The following SH2D1A variants were observed in gnomAD, a reference collection of about 807,000 sequenced individuals.
SH2D1A encodes the protein SH2 domain-containing protein 1A.
In SH2D1A, 6 loss-of-function variants were observed where a neutral mutation model predicts 10.1. The ratio of observed to expected loss-of-function variants is 0.60; its 90% CI spans 0.33 to 1.18. The LOEUF is 1.18. Among genes scored for constraint, SH2D1A ranks in the 50% most tolerant of loss-of-function variants. SH2D1A has a pLI of 0.04. For synonymous variants in SH2D1A, 42 were observed against 36.9 expected (o/e 1.14, Z -0.51); for missense variants, 51 against 97.6 (o/e 0.52, Z 2.01).
intron 1 of SH2D1A, among the ~76,000 whole-genome samples, chrX:124,349,902 A>G (rs1259251419): frequency 9.3e-6 from 1 of 107,481 alleles, no homozygotes; most frequent in Non-Finnish European, 1.9e-5. Flanking sequence ...ATAGTTCCTT[A>G]TACCTATTCA....
chrX:124,347,977 T>C (rs768906216), intron 1 of SH2D1A, among the ~76,000 whole-genome samples: 1 of 111,392 alleles, frequency 9.0e-6, no homozygotes, highest in African/African-American at 3.3e-5. Flanking sequence ...GTTCAGCATC[T>C]GATAATACCC....
chrX:124,369,977 C>T (rs1444053780), intron 2 of SH2D1A, among the ~76,000 whole-genome samples, 199 bp from the exon 3 acceptor site: 1 of 111,379 alleles, frequency 9.0e-6, no homozygotes, highest in East Asian at 2.8e-4. Context: ...AATGACAGCT[C>T]ATTAGCTCCT....
Position 124,371,376 on chromosome X carries a change from C to A in SH2D1A, c.372C>A (p.Cys124Ter). 8.6e-7 allele frequency: 1 copy of A among 1,165,276 alleles called. No individual in the cohort carries two copies. Among genetic ancestry groups the A allele is most frequent in the Non-Finnish European group, 1.2e-6 (1 of 856,724 alleles). ...TTGIREDPDV[C>*]LKAP ...GGATAAGAGAAGATCCTGATGTCTG[C>A]CTGAAAGCCCCATGAAGAAAAATAA... The change falls in exon 4 of 4, where the codon TGC becomes TGA. Residue 124 changes from cysteine to a stop codon, truncating the protein, a stop_gained. Coordinates refer to ENST00000371139, the MANE Select transcript of SH2D1A (RefSeq NM_002351.5). LOFTEE classifies it high-confidence loss of function.
At chrX:124,349,627 A>G (rs1360537139) in intron 1 of SH2D1A, among the ~76,000 whole-genome samples, 2 of 111,334 alleles carry the variant, frequency 1.8e-5, no homozygotes, top group Non-Finnish European at 3.8e-5. Context: ...TAGAGATAAT[A>G]CATTTCATAT....
chrX:124,350,207 A>T (rs35826306), intron 1 of SH2D1A, among the ~76,000 whole-genome samples: 837 of 58,118 alleles, frequency 0.014, 9 homozygotes, highest in Non-Finnish European at 0.021. Context: ...ATATAATATA[A>T]AATATATAAT....
chrX:124,347,372 A>AG (rs1235305068), intron 1 of SH2D1A, among the ~76,000 whole-genome samples: 1 of 110,470 alleles, frequency 9.1e-6, no homozygotes, highest in East Asian at 2.9e-4. Context: ...GGGGAGGGGC[A>AG]GGGGATTTCA....
intron 1 of SH2D1A, among the ~76,000 whole-genome samples, chrX:124,363,401 C>T (rs1402828354): frequency 9.0e-6 from 1 of 111,225 alleles, no homozygotes; most frequent in Non-Finnish European, 1.9e-5. Context: ...TATAGTAATA[C>T]AGTCATGTGC....
chrX:124,352,735 G>A (rs748782025), intron 1 of SH2D1A, among the ~76,000 whole-genome samples: 16 of 111,615 alleles, frequency 1.4e-4, no homozygotes, highest in East Asian at 5.6e-4. Context: ...ATGTATGGGC[G>A]CAAGTATCCC....
intron 2 of SH2D1A, among the ~76,000 whole-genome samples, chrX:124,369,457 T>C (rs1487482911): frequency 1.8e-5 from 2 of 111,625 alleles, no homozygotes; most frequent in Non-Finnish European, 3.8e-5. Context: ...AACACACAAA[T>C]AAATAAATAA....
At chrX:124,362,774 T>C (rs1457235044) in intron 1 of SH2D1A, among the ~76,000 whole-genome samples, 1 of 111,168 alleles carries the variant, frequency 9.0e-6, no homozygotes, top group African/African-American at 3.3e-5. Flanking sequence ...CCCCATAATA[T>C]GTTTAAGCTC....
chrX:124,361,099 C>G (rs951322959), intron 1 of SH2D1A, among the ~76,000 whole-genome samples: 1 of 111,781 alleles, frequency 8.9e-6, no homozygotes, highest in South Asian at 3.7e-4. Flanking sequence ...TAAATTCACA[C>G]GTTTAAACCC....
At chrX:124,351,032 A>G (rs1388281932) in intron 1 of SH2D1A, among the ~76,000 whole-genome samples, 5 of 89,342 alleles carry the variant, frequency 5.6e-5, no homozygotes, top group African/African-American at 2.1e-4. Context: ...TATTATAAAT[A>G]TATATATTTT....
chrX:124,362,514 A>G (rs1412524652), intron 1 of SH2D1A, among the ~76,000 whole-genome samples: 1 of 112,071 alleles, frequency 8.9e-6, no homozygotes, highest in Non-Finnish European at 1.9e-5. Flanking sequence ...CTGTAGCACC[A>G]TTATATTTTG....
intron 1 of SH2D1A, among the ~76,000 whole-genome samples, chrX:124,351,095 TTA>T (rs1328222466): frequency 7.4e-5 from 7 of 94,167 alleles, no homozygotes; most frequent in East Asian, 3.1e-4. Flanking sequence ...AAATATATAT[TTA>T]TATATATTTA....
At chrX:124,350,673 G>A (rs1236403714) in intron 1 of SH2D1A, among the ~76,000 whole-genome samples, 1 of 29,599 alleles carries the variant, frequency 3.4e-5, no homozygotes, top group Non-Finnish European at 4.7e-5. Context: ...TTGTATATAA[G>A]ATATAATATA....
At chrX:124,365,969 C>T in intron 2 of SH2D1A, 145 bp downstream of exon 2, 2 of 459,090 alleles carry the variant, frequency 4.4e-6, no homozygotes, top group Non-Finnish European at 7.7e-6. Context: ...GTTCATGGAT[C>T]ATTAAGAAAG....
chrX:124,357,675 C>G (rs1272595917), intron 1 of SH2D1A, among the ~76,000 whole-genome samples: 1 of 111,926 alleles, frequency 8.9e-6, no homozygotes, highest in African/African-American at 3.3e-5. Flanking sequence ...AATAACCATC[C>G]TAACAGGTGT....
intron 1 of SH2D1A, among the ~76,000 whole-genome samples, chrX:124,365,275 GTAT>G (rs1399145237): frequency 1.8e-5 from 2 of 109,733 alleles, no homozygotes; most frequent in African/African-American, 3.3e-5. Context: ...TCAATTTATA[GTAT>G]TATATCCTTA....
intron 1 of SH2D1A, 106 bp from the exon 2 acceptor site, chrX:124,365,655 C>T (rs935548740): frequency 3.0e-5 from 17 of 573,609 alleles, no homozygotes; most frequent in Admixed American, 1.6e-4. Context: ...ACACCATATA[C>T]GTGTGTCCTA....
Sources: gnomAD v4.1 joint callset for allele counts (sites outside exome capture counted in the v4.1 genomes callset) on GRCh38, gnomAD v4.1.1 for gene constraint, MANE v1.5 for transcripts, NCBI Gene and HGNC (gene_info 2026-07-23, HGNC 2026-07-21) for gene names.